PKIB: variants seen among roughly 807,000 people sequenced by gnomAD.
The protein encoded by PKIB is cAMP-dependent protein kinase inhibitor beta.
A neutral mutation model predicts 4.5 loss-of-function variants in PKIB; 2 were observed. The observed-to-expected ratio is 0.44, with a 90% CI of 0.18 to 1.39. The LOEUF is 1.39. Among genes scored for constraint, PKIB ranks in the 40% most tolerant of loss-of-function variants. PKIB has a pLI of 0.27. For missense variants in PKIB, 94 were observed against 92.6 expected (o/e 1.02, Z -0.06); for synonymous variants, 38 against 36.0 (o/e 1.06, Z -0.20).
At chr6:122,527,868 A>G (rs1226925396) in intron 2 of PKIB, among the ~76,000 whole-genome samples, 1 of 152,184 alleles carries the variant, frequency 6.6e-6, no homozygotes, top group Non-Finnish European at 1.5e-5. Flanking sequence ...TGTGAAGCAA[A>G]ATAAAGCAAA....
chr6:122,541,867 A>C (rs1025673278), intron 2 of PKIB, among the ~76,000 whole-genome samples: 2 of 151,752 alleles, frequency 1.3e-5, no homozygotes, highest in Non-Finnish European at 2.9e-5. Context: ...TATTTCTCGG[A>C]GGCTTTGTTC....
chr6:122,719,626 T>C (rs1404374109), intron 4 of PKIB, among the ~76,000 whole-genome samples: 1 of 152,084 alleles, frequency 6.6e-6, no homozygotes, highest in Non-Finnish European at 1.5e-5. Context: ...AGGGGATCTA[T>C]TGTAGCAACA....
chr6:122,556,142 C>G (rs1772832148), intron 2 of PKIB, among the ~76,000 whole-genome samples: 1 of 152,160 alleles, frequency 6.6e-6, no homozygotes, highest in Non-Finnish European at 1.5e-5. Context: ...AGTGAGTTCT[C>G]ATGAGATCTG....
chr6:122,699,537 CA>C (rs1778713251), intron 3 of PKIB, among the ~76,000 whole-genome samples: 1 of 152,094 alleles, frequency 6.6e-6, no homozygotes, highest in Non-Finnish European at 1.5e-5. Context: ...GGTTTAAGGA[CA>C]GGCCAAACAG....
At chr6:122,615,930 T>C (rs1334195571) in intron 1 of PKIB, among the ~76,000 whole-genome samples, 3 of 152,194 alleles carry the variant, frequency 2.0e-5, no homozygotes, top group Admixed American at 2.0e-4. Flanking sequence ...TGAAAATAAA[T>C]TTCTGTTGTG....
intron 2 of PKIB, among the ~76,000 whole-genome samples, chr6:122,490,176 A>C (rs1270082841): frequency 6.6e-6 from 1 of 152,204 alleles, no homozygotes; most frequent in Non-Finnish European, 1.5e-5. Flanking sequence ...TCCTCCAAAA[A>C]TGTTTTTCAA....
At chr6:122,538,843 C>T (rs576062722) in intron 2 of PKIB, among the ~76,000 whole-genome samples, 18 of 152,200 alleles carry the variant, frequency 1.2e-4, no homozygotes, top group African/African-American at 4.3e-4. Context: ...TTTGTATCCT[C>T]TTTTATTTCA....
In PKIB at chr6:122,558,611, C is replaced by A. The variant is rs939989481; in HGVS notation, c.-247-27310C>A. On this transcript the variant is annotated intron_variant, in intron 2 of 6. Coordinates refer to the PKIB transcript ENST00000392491. The stretch of plus-strand genomic sequence containing the variant: ...GTTGTCCAGTAAATACATAAACTTT[C>A]TTTTAATTCATGTATCTTCAACATT... 3.3e-5 allele frequency among the ~76,000 whole-genome samples: 5 copies of A among 152,164 alleles called. No homozygotes were observed. In the South Asian group the frequency reaches 1.0e-3, roughly 32 times the overall value.
At chr6:122,595,066 GC>G (rs1774136070) in intron 3 of PKIB, among the ~76,000 whole-genome samples, 1 of 152,158 alleles carries the variant, frequency 6.6e-6, no homozygotes, top group Middle Eastern at 3.2e-3. Context: ...AGGTCTCTAG[GC>G]CAGCAGAATG....
chr6:122,608,962 AAT>A (rs1331693022), upstream of PKIB, among the ~76,000 whole-genome samples: 20 of 152,060 alleles, frequency 1.3e-4, no homozygotes, highest in South Asian at 8.3e-4. Flanking sequence ...AGATAATAAA[AAT>A]ATATGTTATT....
At chr6:122,721,269 T>A (rs1779730067) in intron 4 of PKIB, among the ~76,000 whole-genome samples, 1 of 152,190 alleles carries the variant, frequency 6.6e-6, no homozygotes, top group Admixed American at 6.5e-5. Context: ...AAAGCCTTCA[T>A]CTTTCCCATT....
intron 2 of PKIB, among the ~76,000 whole-genome samples, chr6:122,510,676 GA>G (rs778910651): frequency 5.3e-5 from 8 of 152,132 alleles, no homozygotes; most frequent in Non-Finnish European, 1.0e-4. Flanking sequence ...GAATTTCAAG[GA>G]GAGAAAGTGG....
At chr6:122,572,415 A>T (rs1166084160) in intron 2 of PKIB, among the ~76,000 whole-genome samples, 3 of 152,150 alleles carry the variant, frequency 2.0e-5, no homozygotes, top group African/African-American at 7.2e-5. Flanking sequence ...GAAATTGAAA[A>T]TTATTGGAAA....
intron 2 of PKIB, among the ~76,000 whole-genome samples, chr6:122,581,028 A>G (rs1177356643): frequency 3.3e-5 from 5 of 152,198 alleles, no homozygotes; most frequent in African/African-American, 7.2e-5. Flanking sequence ...TCTTCCATCA[A>G]TCACAGGCTG....
intron 3 of PKIB, among the ~76,000 whole-genome samples, chr6:122,716,679 T>C (rs1779511275): frequency 6.6e-6 from 1 of 152,168 alleles, no homozygotes; most frequent in African/African-American, 2.4e-5. Flanking sequence ...CTATGCCATT[T>C]AGTGTTTAGC....
intron 1 of PKIB, among the ~76,000 whole-genome samples, chr6:122,631,726 A>G (rs1028069124): frequency 6.6e-6 from 1 of 152,178 alleles, no homozygotes; most frequent in African/African-American, 2.4e-5. Flanking sequence ...TGATAAATAG[A>G]TGAGTTGAAA....
chr6:122,498,663 A>G (rs1776142638), intron 2 of PKIB, among the ~76,000 whole-genome samples: 2 of 152,240 alleles, frequency 1.3e-5, no homozygotes, highest in South Asian at 4.1e-4. Flanking sequence ...TAGACAAACT[A>G]GAAAAACAAG....
chr6:122,639,001 T>C (rs1776030512), intron 2 of PKIB, among the ~76,000 whole-genome samples: 1 of 152,210 alleles, frequency 6.6e-6, no homozygotes, highest in Non-Finnish European at 1.5e-5. Flanking sequence ...TTAGTACATA[T>C]ATTCTTTTAC....
At chr6:122,666,862 G>T (rs1435014791) in intron 2 of PKIB, among the ~76,000 whole-genome samples, 1 of 152,112 alleles carries the variant, frequency 6.6e-6, no homozygotes, top group Non-Finnish European at 1.5e-5. Flanking sequence ...AGTCCATATG[G>T]CGGACAGACC....
Sources: gnomAD v4.1 joint callset for allele counts (sites outside exome capture counted in the v4.1 genomes callset) on GRCh38, gnomAD v4.1.1 for gene constraint, MANE v1.5 for transcripts, NCBI Gene and HGNC (gene_info 2026-07-23, HGNC 2026-07-21) for gene names.